GPR149: variants seen among roughly 807,000 people sequenced by gnomAD.
GPR149 encodes G protein-coupled receptor 149, also known as probable G protein-coupled receptor 149.
A neutral mutation model predicts 50.2 loss-of-function variants in GPR149; 50 were observed. The ratio of observed to expected loss-of-function variants is 1.00; its 90% CI spans 0.79 to 1.26. The LOEUF is 1.26. Ranked by LOEUF, GPR149 falls within the 50% of genes most tolerant of loss-of-function variation. GPR149 has a pLI of 0.00. For synonymous variants in GPR149, 405 were observed against 358.2 expected (o/e 1.13, Z -1.48); for missense variants, 983 against 895.4 (o/e 1.10, Z -1.25).
chr3:154,352,843 T>G, intron 3 of GPR149: 1 of 923,436 alleles, frequency 1.1e-6, no homozygotes, highest in Non-Finnish European at 1.8e-6. Flanking sequence ...ATATCTTAGT[T>G]GACCTCTTTC....
Position 154,337,729 on chromosome 3 carries a change from T to C in GPR149, c.2166A>G (p.Arg722=), listed in dbSNP as rs1269175248. 1.2e-6 allele frequency: 2 copies of C among 1,607,538 alleles called. No individual in the cohort carries two copies. The highest frequency in any genetic ancestry group is 8.5e-7 in the Non-Finnish European group (1 of 1,176,868). ...EEIQLLNKAY[R]KREEESKGS ...TACCCTTGCTTTCTTCCTCTCTTTT[T>C]CTGTAAGCTTTATTTAACAACTGGA... is the stretch of plus-strand genomic sequence containing the variant. Residue 722 remains arginine, a synonymous_variant, in exon 4 of 4, where the codon AGA becomes AGG. Transcript: ENST00000389740.
rs1463216106 is a variant in GPR149, at chr3:154,415,960, G to A, written c.1623+5079C>T. Among the ~76,000 whole-genome samples, 4 of 151,894 alleles carry A rather than the reference G, an allele frequency of 2.6e-5. No homozygotes were observed. The South Asian group carries it at 6.2e-4, about 24-fold the overall frequency. On this transcript the variant is annotated intron_variant, in intron 3 of 3. Coordinates refer to ENST00000389740, the MANE Select transcript of GPR149 (RefSeq NM_001038705.3). ...ATGACTGGGTGGAGGCTATAAATAG[G>A]TTTTAAGTGGATTTTTTCTAGTATG...
rs559431207 is a variant in GPR149, at chr3:154,338,539, T to C, written c.1624-268A>G. On this transcript the variant is annotated intron_variant, in intron 3 of 3. Coordinates refer to ENST00000389740, the MANE Select transcript of GPR149 (RefSeq NM_001038705.3). ...TTCCCCAGTTAAAGGCAAAGGTGTG[T>C]ACTGATGGGAAGCAATAGATGTTTT... 9.2e-5 allele frequency among the ~76,000 whole-genome samples: 14 copies of C among 152,308 alleles called. 1 individual carries two copies. In the South Asian group the frequency reaches 2.7e-3, roughly 29 times the overall value.
chr3:154,383,798 A>G lies in GPR149; in HGVS notation c.1623+37241T>C, dbSNP rs1479888037. On this transcript the variant is annotated intron_variant, in intron 3 of 3. Transcript: ENST00000389740. ...GGACATTTTAAGAGATGATTAGGTCATGAGGGTAGAGCCCTCATGAGTAGG... is the reference window on the plus strand; with the variant it reads ...GGACATTTTAAGAGATGATTAGGTCGTGAGGGTAGAGCCCTCATGAGTAGG... Among the ~76,000 whole-genome samples the G allele has an allele frequency of 2.0e-5, 3 of 152,074 alleles. No homozygotes were observed. The East Asian group carries it at 5.8e-4, about 29-fold the overall frequency.
At chr3:154,411,373 C>CA (rs1288983181) in intron 3 of GPR149, among the ~76,000 whole-genome samples, 2 of 151,052 alleles carry the variant, frequency 1.3e-5, no homozygotes, top group Non-Finnish European at 3.0e-5. Context: ...TTGAAACAAA[C>CA]AAAAAAAATT....
In GPR149 at chr3:154,401,121, T is replaced by C. The variant is rs574584392; in HGVS notation, c.1623+19918A>G. Among the ~76,000 whole-genome samples the C allele has an allele frequency of 2.0e-5, 3 of 152,346 alleles. No individual in the cohort carries two copies. The South Asian group carries it at 6.2e-4, about 32-fold the overall frequency. On this transcript the variant is annotated intron_variant, in intron 3 of 3. Coordinates refer to ENST00000389740, the MANE Select transcript of GPR149 (RefSeq NM_001038705.3). ...AAATGCAAAACACTGTGAGCTATTTTCTGAAAATTTTCTCTTTTAATTCCT... is the reference window on the plus strand; with the variant it reads ...AAATGCAAAACACTGTGAGCTATTTCCTGAAAATTTTCTCTTTTAATTCCT...
chr3:154,424,720 C>T (rs1051009575), intron 2 of GPR149, among the ~76,000 whole-genome samples: 4 of 151,710 alleles, frequency 2.6e-5, no homozygotes, highest in African/African-American at 9.7e-5. Flanking sequence ...AAAGCAAAAT[C>T]TTTATTCTTC....
chr3:154,361,111 G>T (rs1269228592), intron 3 of GPR149, among the ~76,000 whole-genome samples: 1 of 151,984 alleles, frequency 6.6e-6, no homozygotes, highest in Non-Finnish European at 1.5e-5. Context: ...ATCCCACACA[G>T]CAGATACTAA....
intron 3 of GPR149, among the ~76,000 whole-genome samples, chr3:154,396,808 T>C (rs1715303306): frequency 6.6e-6 from 1 of 151,960 alleles, no homozygotes; most frequent in African/African-American, 2.4e-5. Context: ...ACTATCAGAC[T>C]GGAGTAGTGA....
intron 3 of GPR149, among the ~76,000 whole-genome samples, chr3:154,410,956 C>T (rs762900659): frequency 6.6e-6 from 1 of 152,046 alleles, no homozygotes; most frequent in African/African-American, 2.4e-5. Flanking sequence ...AAACAAGTCT[C>T]AGTAAATTTA....
At chr3:154,421,751 C>A (rs921287398) in intron 2 of GPR149, among the ~76,000 whole-genome samples, 4 of 151,690 alleles carry the variant, frequency 2.6e-5, no homozygotes, top group African/African-American at 9.7e-5. Context: ...TCTAAAGAAG[C>A]CTTACATAAC....
At chr3:154,393,937 A>T (rs546009618) in intron 3 of GPR149, among the ~76,000 whole-genome samples, 2 of 152,138 alleles carry the variant, frequency 1.3e-5, no homozygotes, top group Admixed American at 6.5e-5. Flanking sequence ...AAATGAGAAG[A>T]TATTCCATGT....
At chr3:154,350,797 G>A (rs928903845) in intron 3 of GPR149, among the ~76,000 whole-genome samples, 10 of 152,300 alleles carry the variant, frequency 6.6e-5, no homozygotes, top group African/African-American at 2.4e-4. Flanking sequence ...AGGACCTCCT[G>A]TGGATAGCAA....
At chr3:154,397,926 T>C (rs1363051166) in intron 3 of GPR149, among the ~76,000 whole-genome samples, 1 of 149,060 alleles carries the variant, frequency 6.7e-6, no homozygotes, top group East Asian at 2.2e-4. Flanking sequence ...GCAATGGTTA[T>C]AAGATTTTTG....
At chr3:154,371,488 G>T (rs967862805) in intron 3 of GPR149, among the ~76,000 whole-genome samples, 13 of 152,150 alleles carry the variant, frequency 8.5e-5, no homozygotes, top group Middle Eastern at 3.4e-3. Flanking sequence ...GACTGGAATT[G>T]GAGGCATAAC....
At chr3:154,347,899 T>A (rs1409097181) in intron 3 of GPR149, among the ~76,000 whole-genome samples, 1 of 152,178 alleles carries the variant, frequency 6.6e-6, no homozygotes, top group South Asian at 2.1e-4. Flanking sequence ...GATGGACTAT[T>A]GAAGTATTGC....
chr3:154,386,292 T>A (rs1350843963), intron 3 of GPR149, among the ~76,000 whole-genome samples: 1 of 152,150 alleles, frequency 6.6e-6, no homozygotes, highest in Non-Finnish European at 1.5e-5. Context: ...CCTGCAATTA[T>A]AACTTACACA....
rs994479659 is a variant in GPR149 at position 154,371,136 on chromosome 3, G to A, written c.1624-32865C>T. ...GCCTAAAGCTCTCAAAGGATTACAG[G>A]ATATTGTTAGACATTTAAAAGCTCA... On this transcript the variant is annotated intron_variant, in intron 3 of 3. Coordinates refer to ENST00000389740, the MANE Select transcript of GPR149 (RefSeq NM_001038705.3). Among the ~76,000 whole-genome samples the A allele has an allele frequency of 3.9e-5, 6 of 152,268 alleles. No individual in the cohort carries two copies. The South Asian group carries it at 1.2e-3, about 32-fold the overall frequency.
chr3:154,378,285 T>C (rs1559979505), intron 3 of GPR149, among the ~76,000 whole-genome samples: 1 of 151,958 alleles, frequency 6.6e-6, no homozygotes, highest in Non-Finnish European at 1.5e-5. Context: ...GTAGAGACAG[T>C]GTTTCACCAT....
Sources: gnomAD v4.1 joint callset for allele counts (sites outside exome capture counted in the v4.1 genomes callset) on GRCh38, gnomAD v4.1.1 for gene constraint, MANE v1.5 for transcripts, NCBI Gene and HGNC (gene_info 2026-07-23, HGNC 2026-07-21) for gene names.